ACTN2: variants seen among roughly 807,000 people sequenced by gnomAD.
ACTN2 encodes the protein alpha-actinin-2.
Under a neutral mutation model 113.8 loss-of-function variants are expected in ACTN2, and 39 were observed. The ratio of observed to expected loss-of-function variants is 0.34; its 90% CI spans 0.27 to 0.45. ACTN2 has a LOEUF of 0.45. ACTN2 is among the 20% of genes least tolerant of loss of function. The probability of loss-of-function intolerance (pLI) is 1.00; values close to 1 mark genes in which losing one functional copy is unlikely to be tolerated. For synonymous variants in ACTN2, 429 were observed against 444.1 expected, an observed-to-expected ratio of 0.97 and a Z score of 0.43; for missense variants, 992 against 1,177.9, an observed-to-expected ratio of 0.84 and a Z score of 2.31.
intron 1 of ACTN2, among the ~76,000 whole-genome samples, chr1:236,694,273 G>A (rs751238029): frequency 1.4e-5 from 2 of 147,182 alleles, no homozygotes; most frequent in Non-Finnish European, 3.0e-5. Context: ...GGGCTGGAGT[G>A]CAATGGCACA....
chr1:236,761,622 G>A (rs968786596), intron 20 of ACTN2, among the ~76,000 whole-genome samples: 6 of 152,116 alleles, frequency 3.9e-5, no homozygotes, highest in Admixed American at 6.5e-5. Context: ...AAATATAGCC[G>A]TTCAGTCAGT....
At position 236,727,656 on chromosome 1, in the gene ACTN2, GTTC is replaced by G. The variant is rs1353696869; in HGVS notation, c.537-17_537-15del. 1.2e-6 allele frequency: 2 copies of G among 1,613,834 alleles called. No homozygotes were observed. Among genetic ancestry groups the G allele is most frequent in the South Asian group, 1.1e-5 (1 of 91,074 alleles). On this transcript the variant is annotated intron_variant, in intron 5 of 20. Transcript: ENST00000366578. ...TTTCTCTCCACTAACACGTGTTCCTGTTCTTCTCGACGGCTGTGAAGCTGGAAA... is the reference window on the plus strand; with the variant it reads ...TTTCTCTCCACTAACACGTGTTCCTGTTCTCGACGGCTGTGAAGCTGGAAA...
chr1:236,713,464 T>G (rs1016920934), intron 1 of ACTN2, among the ~76,000 whole-genome samples: 1 of 152,186 alleles, frequency 6.6e-6, no homozygotes, highest in Non-Finnish European at 1.5e-5. Flanking sequence ...TGATCTCAAG[T>G]GATCCACCCA....
intron 9 of ACTN2, among the ~76,000 whole-genome samples, chr1:236,738,359 C>T (rs575603878): frequency 1.3e-5 from 2 of 152,308 alleles, no homozygotes; most frequent in South Asian, 2.1e-4. Flanking sequence ...AGTATCAGGA[C>T]ATTTGGAATA....
rs890300882 is a variant in ACTN2 at position 236,724,676 on chromosome 1, G to T, written c.449-1257G>T. Among the ~76,000 whole-genome samples, 23 of 152,230 alleles carry T rather than the reference G, an allele frequency of 1.5e-4. 3 individuals carry two copies. The highest frequency in any genetic ancestry group is 5.5e-4 in the African/African-American group (23 of 41,444). On this transcript the variant is annotated intron_variant, in intron 4 of 20. Transcript: ENST00000366578. ...CTGCTCACCCCCCAGTCTTTGGCTGGAGCAGCTCTGGGGAATGTGGCCTCA... is the reference window on the plus strand; with the variant it reads ...CTGCTCACCCCCCAGTCTTTGGCTGTAGCAGCTCTGGGGAATGTGGCCTCA...
rs944679368 is a variant in ACTN2 at position 236,763,691 on chromosome 1, T to C, written c.*1072T>C. The C allele has an allele frequency of 1.3e-5, 2 of 152,222 alleles. No homozygotes were observed. The highest frequency in any genetic ancestry group is 4.8e-5 in the African/African-American group (2 of 41,446). The allele number at this position is 152,222 out of a possible 1,614,324, so 9.4% of individuals were successfully genotyped here. A position where few individuals can be genotyped will look rare whatever the true frequency, so the allele number is the denominator to read the frequency against. On this transcript the variant is annotated 3_prime_UTR_variant, in exon 21 of 21. Coordinates refer to ENST00000366578, the MANE Select transcript of ACTN2 (RefSeq NM_001103.4). ...TTACATATGTTTTGTGTAGTAGGAA[T>C]AACTAGATATTTTAGCTAGTGTGCG... is the stretch of plus-strand genomic sequence containing the variant.
At chr1:236,725,410 C>A (rs1658518138) in intron 4 of ACTN2, among the ~76,000 whole-genome samples, 2 of 151,964 alleles carry the variant, frequency 1.3e-5, no homozygotes, top group African/African-American at 4.8e-5. Flanking sequence ...GGTGGATCAC[C>A]TGAGGTCAGG....
In ACTN2 at chr1:236,754,153, C is replaced by G. The variant is rs889511169; in HGVS notation, c.1974+72C>G. The G allele has an allele frequency of 1.0e-5, 16 of 1,583,912 alleles. No individual in the cohort carries two copies. In the African/African-American group the frequency reaches 2.0e-4, roughly 20 times the overall value. On this transcript the variant is annotated intron_variant, in intron 16 of 20. Transcript: ENST00000366578. This position sits in a 1 kb window ranked among gnomAD's most constrained non-coding sequence, Gnocchi z 4.9. ...TCCCTTTAGCCACGCAGCAGTGACA[C>G]CGCACATGCTGTGGTTTCCAGCCAC...
At chr1:236,730,201 C>T (rs763704510) in intron 6 of ACTN2, among the ~76,000 whole-genome samples, 2 of 152,098 alleles carry the variant, frequency 1.3e-5, no homozygotes, top group Non-Finnish European at 2.9e-5. Context: ...ATTTAAATTA[C>T]ACTCTAAATG....
At chr1:236,702,461 A>T (rs1042994361) in intron 1 of ACTN2, among the ~76,000 whole-genome samples, 7 of 152,366 alleles carry the variant, frequency 4.6e-5, no homozygotes, top group African/African-American at 1.4e-4. Context: ...TAAAAAAGTC[A>T]CAACCTGGAG....
chr1:236,750,037 T>G (rs371899386), intron 14 of ACTN2, among the ~76,000 whole-genome samples: 14 of 152,308 alleles, frequency 9.2e-5, no homozygotes, highest in African/African-American at 2.4e-4. Flanking sequence ...CTACTGCCAA[T>G]CTAAAATGTT....
Position 236,762,479 on chromosome 1 carries a change from G to A in ACTN2, c.2545G>A (p.Glu849Lys), listed in dbSNP as rs1659736554. ...TTCCCAGCCATACATCCTGGCGGAG[G>A]AGCTGCGTCGGGAGCTGCCCCCGGA... ...ASDKPYILAE[E>K]LRRELPPDQA... The change falls in exon 21 of 21, where the codon GAG becomes AAG. Residue 849 changes from glutamate (E) to lysine (K), a missense_variant. Around this residue, in one of 3 missense-constraint regions of ACTN2, gnomAD observed 736 missense variants for 815.4 expected, o/e 0.90. Transcript: ENST00000366578. 3.7e-6 allele frequency: 6 copies of A among 1,614,134 alleles called. No homozygotes were observed. The highest frequency in any genetic ancestry group is 5.1e-6 in the Non-Finnish European group (6 of 1,180,000).
rs148972050 is a variant in ACTN2, at chr1:236,762,593, G to T, written c.2659G>T (p.Ala887Ser). 7 of 1,614,066 alleles carry T rather than the reference G, an allele frequency of 4.3e-6. No homozygotes were observed. The highest frequency in any genetic ancestry group is 5.9e-6 in the Non-Finnish European group (7 of 1,180,006). Residue 887 changes from alanine to serine, a missense_variant, in exon 21 of 21, where the codon GCA becomes TCA. Around this residue, in one of 3 missense-constraint regions of ACTN2, gnomAD observed 736 missense variants for 815.4 expected, o/e 0.90. Transcript: ENST00000366578. Reference protein sequence around the residue: ...GALDYAAFSSALYGESDL With the variant: ...GALDYAAFSSSLYGESDL ...ACTGGATTACGCTGCGTTCTCTTCC[G>T]CACTCTACGGGGAGAGCGATCTGTG...
chr1:236,704,903 A>G (rs562203673), intron 1 of ACTN2, among the ~76,000 whole-genome samples: 1 of 152,346 alleles, frequency 6.6e-6, no homozygotes, highest in Admixed American at 6.5e-5. Flanking sequence ...AATCCCCACA[A>G]GGCCTGTCTG....
Position 236,751,632 on chromosome 1 carries a change from C to T in ACTN2, c.1819C>T (p.Leu607Phe), listed in dbSNP as rs754788103. 1.2e-6 allele frequency: 2 copies of T among 1,613,966 alleles called. No individual in the cohort carries two copies. The highest frequency in any genetic ancestry group is 1.7e-6 in the Non-Finnish European group (2 of 1,179,872). ...GTACAGCACTGTCACCATGGATGAGCTCCGGACCAAGTGGGACAAGGTGGG... is the reference window on the plus strand; with the variant it reads ...GTACAGCACTGTCACCATGGATGAGTTCCGGACCAAGTGGGACAAGGTGGG... ...NPYSTVTMDELRTKWDKVKQL... is the reference protein window; with the variant it reads ...NPYSTVTMDEFRTKWDKVKQL... Residue 607 changes from leucine (L) to phenylalanine (F), a missense_variant, in exon 15 of 21, where the codon CTC becomes TTC. By Grantham distance (22) the Leu-to-Phe change is conservative (BLOSUM62 0). This residue lies in a region of ACTN2 where 736 missense variants were observed against 815.4 expected (regional missense o/e 0.90). Coordinates refer to ENST00000366578, the MANE Select transcript of ACTN2 (RefSeq NM_001103.4).
chr1:236,688,106 C>G (rs1280309148), intron 1 of ACTN2, among the ~76,000 whole-genome samples: 1 of 152,126 alleles, frequency 6.6e-6, no homozygotes, highest in Non-Finnish European at 1.5e-5. Context: ...ATGAGGATTA[C>G]TAATGTGTCA....
chr1:236,749,070 T>C (rs552254876), intron 13 of ACTN2, 54 bp from the exon 14 acceptor site: 329 of 1,598,972 alleles, frequency 2.1e-4, no homozygotes, highest in Non-Finnish European at 2.6e-4. Flanking sequence ...ACTTACACTT[T>C]CAGTGAATTT....
chr1:236,715,634 A>G (rs1250414337), intron 1 of ACTN2, among the ~76,000 whole-genome samples: 1 of 152,150 alleles, frequency 6.6e-6, no homozygotes, highest in Admixed American at 6.5e-5. Flanking sequence ...GCTAGGAGCT[A>G]CCACACTGAT....
At chr1:236,687,781 G>T (rs926723850) in intron 1 of ACTN2, among the ~76,000 whole-genome samples, 4 of 152,202 alleles carry the variant, frequency 2.6e-5, no homozygotes, top group African/African-American at 9.7e-5. Context: ...TGGTGAATAG[G>T]GGTATGATGG....
Sources: allele counts gnomAD v4.1 joint callset (sites outside exome capture counted in the v4.1 genomes callset), GRCh38; gene constraint gnomAD v4.1.1; regional missense constraint gnomAD v4.1.1; non-coding constraint Gnocchi (gnomAD v3.1); transcripts MANE v1.5; gene names NCBI Gene and HGNC (gene_info 2026-07-23, HGNC 2026-07-21).